Variants in FIG4 observed in about 807,000 individuals in gnomAD.
FIG4 encodes polyphosphoinositide phosphatase.
FIG4 carries 112 observed loss-of-function variants against 118.6 expected under a neutral mutation model. The observed-to-expected ratio is 0.94, with a 90% CI of 0.81 to 1.11. The LOEUF (loss-of-function observed/expected upper bound fraction) is 1.11, where lower values mean the gene tolerates loss of function less well. Ranked by LOEUF, FIG4 falls within the 50% of genes least tolerant of loss-of-function variation. The pLI is 0.00. For missense variants in FIG4, 969 were observed against 1,111.7 expected (o/e 0.87, Z 1.83); for synonymous variants, 369 against 381.2 (o/e 0.97, Z 0.37).
At chr6:109,715,497 A>G (rs1212246182) in intron 2 of FIG4, among the ~76,000 whole-genome samples, 1 of 152,200 alleles carries the variant, frequency 6.6e-6, no homozygotes, top group East Asian at 1.9e-4. Flanking sequence ...TGTATCTGCC[A>G]AAGAGACGAT....
At chr6:109,699,864 C>G (rs1234325648) in intron 1 of FIG4, among the ~76,000 whole-genome samples, 1 of 152,120 alleles carries the variant, frequency 6.6e-6, no homozygotes, top group Non-Finnish European at 1.5e-5. Flanking sequence ...TAACAAAATC[C>G]CATCAACTAG....
intron 1 of FIG4, among the ~76,000 whole-genome samples, chr6:109,695,621 C>T (rs1408112807): frequency 6.6e-6 from 1 of 152,134 alleles, no homozygotes; most frequent in African/African-American, 2.4e-5. Context: ...CACACACACA[C>T]ACAATGTTGC....
chr6:109,752,303 G>T (rs959209033), intron 10 of FIG4, among the ~76,000 whole-genome samples: 3 of 151,112 alleles, frequency 2.0e-5, no homozygotes, highest in Non-Finnish European at 2.9e-5. Context: ...AAACATACGT[G>T]TGCATGTGTC....
At position 109,825,109 on chromosome 6, in the gene FIG4, G is replaced by A. The variant is rs140055056; in HGVS notation, c.2568G>A (p.Ser856=). 93 of 1,613,768 alleles carry A rather than the reference G, an allele frequency of 5.8e-5. 1 individual carries two copies. Among genetic ancestry groups the A allele is most frequent in the Admixed American group, 3.5e-4 (21 of 59,994 alleles). The change falls in exon 23 of 23, where the codon TCG becomes TCA. Residue 856 remains serine (S), a synonymous_variant. Coordinates refer to ENST00000230124, the MANE Select transcript of FIG4 (RefSeq NM_014845.6). ...ATAGAACACCCATCTCGGCTTTCTC[G>A]CAAGATAACATCTATGAAGTTCAGC... ...VIKLTPISAF[S]QDNIYEVQPP... is the part of the protein sequence containing the mutation.
intron 21 of FIG4, among the ~76,000 whole-genome samples, chr6:109,795,119 T>G (rs1477624571): frequency 6.7e-5 from 8 of 118,816 alleles, no homozygotes; most frequent in South Asian, 3.0e-4. Flanking sequence ...TTTTTTTTTT[T>G]TTTTTTTTTT....
rs754932535 is a variant in FIG4 at position 109,743,751 on chromosome 6, C to G, written c.1116C>G (p.Ile372Met). 6.2e-7 allele frequency: 1 copy of G among 1,612,292 alleles called. No individual in the cohort carries two copies. Among genetic ancestry groups the G allele is most frequent in the Middle Eastern group, 1.7e-4 (1 of 6,050 alleles). The change falls in exon 10 of 23, where the codon ATC becomes ATG. Residue 372 changes from isoleucine to methionine, a missense_variant. Ile to Met is a conservative substitution (Grantham distance 10, BLOSUM62 1). Around this residue, in one of 3 missense-constraint regions of FIG4, gnomAD observed 246 missense variants for 354.3 expected, o/e 0.69. Transcript: ENST00000230124. ...DQMFQRFGSP[I>M]IILNLVKERE... ...TGTTCCAGAGGTTTGGCTCTCCCAT[C>G]ATCATCTTGAATTTAGTGAAGGTAT... is the stretch of plus-strand genomic sequence containing the variant.
At chr6:109,818,299 C>T (rs1028344259) in intron 22 of FIG4, among the ~76,000 whole-genome samples, 16 of 152,006 alleles carry the variant, frequency 1.1e-4, no homozygotes, top group Non-Finnish European at 1.6e-4. Flanking sequence ...CTCCTGGGTT[C>T]AAGCAATTCT....
chr6:109,707,442 TATATATACAC>T (rs1198712291), intron 1 of FIG4, among the ~76,000 whole-genome samples: 23 of 148,854 alleles, frequency 1.5e-4, no homozygotes, highest in African/African-American at 4.7e-4. Flanking sequence ...TATATATACA[TATATATACAC>T]ATATATACAC....
At position 109,732,727 on chromosome 6, in the gene FIG4, AC is replaced by A. The variant is rs776197110; in HGVS notation, c.497+41del. 1.4e-5 allele frequency: 17 copies of A among 1,209,576 alleles called. No individual in the cohort carries two copies. The South Asian group carries it at 2.0e-4, about 14-fold the overall frequency. The allele number at this position is 1,209,576 out of a possible 1,614,324, so 74.9% of individuals were successfully genotyped here. On this transcript the variant is annotated intron_variant, in intron 5 of 22. Transcript: ENST00000230124. ...AGTTTTGCTCCTATCAATCACATAA[AC>A]TTTTATATTATTTTCCAGCGGGTAA...
chr6:109,740,762 C>T (rs1248859694), intron 7 of FIG4, among the ~76,000 whole-genome samples: 1 of 152,020 alleles, frequency 6.6e-6, no homozygotes, highest in African/African-American at 2.4e-5. Context: ...GTGTATTAGT[C>T]CATTCTCACA....
At chr6:109,731,662 A>G (rs1034684620) in intron 4 of FIG4, among the ~76,000 whole-genome samples, 2 of 152,222 alleles carry the variant, frequency 1.3e-5, no homozygotes, top group Non-Finnish European at 1.5e-5. Flanking sequence ...ATTAGGTATT[A>G]TAAGTAATCT....
intron 1 of FIG4, among the ~76,000 whole-genome samples, chr6:109,692,882 A>G (rs189363117): frequency 3.2e-4 from 48 of 152,166 alleles, no homozygotes; most frequent in African/African-American, 1.1e-3. Flanking sequence ...TGTGTTTTTA[A>G]TAAAAGACAG....
intron 19 of FIG4, among the ~76,000 whole-genome samples, chr6:109,789,994 G>T (rs902930399): frequency 1.3e-5 from 2 of 152,162 alleles, no homozygotes; most frequent in South Asian, 4.1e-4. Context: ...TATTTATTTT[G>T]TTGGCATCCT....
At chr6:109,822,404 T>C (rs1432094372) in intron 22 of FIG4, among the ~76,000 whole-genome samples, 1 of 152,192 alleles carries the variant, frequency 6.6e-6, no homozygotes, top group Non-Finnish European at 1.5e-5. Flanking sequence ...AACACAGTAG[T>C]TTTTCTATGA....
At chr6:109,775,852 T>C (rs1354237360) in intron 15 of FIG4, among the ~76,000 whole-genome samples, 1 of 152,246 alleles carries the variant, frequency 6.6e-6, no homozygotes, top group African/African-American at 2.4e-5. Flanking sequence ...TCATTTAGTT[T>C]TGCTGTAATG....
intron 7 of FIG4, among the ~76,000 whole-genome samples, chr6:109,739,488 G>T (rs532582237): frequency 6.6e-6 from 1 of 152,014 alleles, no homozygotes; most frequent in Non-Finnish European, 1.5e-5. Context: ...AGAAGTATTT[G>T]TAATGGATTT....
At chr6:109,759,488 C>A (rs1461807546) in intron 10 of FIG4, among the ~76,000 whole-genome samples, 1 of 152,158 alleles carries the variant, frequency 6.6e-6, no homozygotes, top group Non-Finnish European at 1.5e-5. Flanking sequence ...AAGGAAGATA[C>A]TGTTTTTACC....
rs141387555 is a variant in FIG4, at chr6:109,730,907, A to G, written c.447-1730A>G. ...TATATTTGATACTGTAAATATTCAAAATGTATTTATAATCTAGACAAATTT... is the reference window on the plus strand; with the variant it reads ...TATATTTGATACTGTAAATATTCAAGATGTATTTATAATCTAGACAAATTT... On this transcript the variant is annotated intron_variant, in intron 4 of 22. Coordinates refer to ENST00000230124, the MANE Select transcript of FIG4 (RefSeq NM_014845.6). 1.7e-3 allele frequency among the ~76,000 whole-genome samples: 253 copies of G among 152,274 alleles called. 3 individuals are homozygous for G. The highest frequency in any genetic ancestry group is 0.015 in the Admixed American group (235 of 15,292).
chr6:109,778,842 G>A (rs1388767819), intron 16 of FIG4, among the ~76,000 whole-genome samples: 3 of 152,072 alleles, frequency 2.0e-5, no homozygotes, highest in Non-Finnish European at 2.9e-5. Context: ...CTTGTGATCT[G>A]CCCGCCTTGG....
Sources: allele counts gnomAD v4.1 joint callset (sites outside exome capture counted in the v4.1 genomes callset), GRCh38; gene constraint gnomAD v4.1.1; regional missense constraint gnomAD v4.1.1; transcripts MANE v1.5; gene names NCBI Gene and HGNC (gene_info 2026-07-23, HGNC 2026-07-21).